The following CUBN variants were observed in gnomAD, a reference collection of about 807,000 sequenced individuals.
CUBN encodes cubilin.
CUBN carries 282 observed loss-of-function variants against 405.3 expected under a neutral mutation model. That is an observed-to-expected ratio of 0.70 (90% CI 0.63 to 0.77). The LOEUF is 0.77. Among genes scored for constraint, CUBN ranks in the 30% least tolerant of loss-of-function variants. The pLI, the probability that CUBN is intolerant of heterozygous loss-of-function variation, is 0.00. For missense variants in CUBN, 4,514 were observed against 4,475.2 expected (o/e 1.01, Z -0.25); for synonymous variants, 1,684 against 1,617.0 (o/e 1.04, Z -0.99).
intron 12 of CUBN, among the ~76,000 whole-genome samples, chr10:17,103,665 G>T (rs986660456): frequency 1.3e-4 from 20 of 152,164 alleles, no homozygotes; most frequent in African/African-American, 4.3e-4. Context: ...GTCTACTATT[G>T]TCCTAAACAT....
intron 28 of CUBN, among the ~76,000 whole-genome samples, chr10:17,013,778 GGGGAAGA>G (rs1366355766): frequency 1.3e-5 from 2 of 152,158 alleles, no homozygotes; most frequent in African/African-American, 4.8e-5. Context: ...CTGGTCCCTG[GGGGAAGA>G]GGCTTACTTC....
At chr10:17,069,730 G>A (rs1835695182) in intron 19 of CUBN, among the ~76,000 whole-genome samples, 2 of 152,054 alleles carry the variant, frequency 1.3e-5, no homozygotes, top group Admixed American at 1.3e-4. Context: ...TTTTTGTAGA[G>A]ATGGGGTCTC....
intron 29 of CUBN, 89 bp downstream of exon 29, chr10:16,990,245 T>C (rs1289064759): frequency 5.0e-6 from 6 of 1,193,794 alleles, no homozygotes; most frequent in Non-Finnish European, 7.5e-6. Context: ...CACTGCTGAC[T>C]ACTGGAAAGA....
intron 60 of CUBN, among the ~76,000 whole-genome samples, chr10:16,844,420 A>G (rs923200314): frequency 6.6e-6 from 1 of 152,228 alleles, no homozygotes; most frequent in Non-Finnish European, 1.5e-5. Flanking sequence ...CCAGGGTGAG[A>G]GAACAGGAGA....
intron 13 of CUBN, among the ~76,000 whole-genome samples, chr10:17,100,802 G>A (rs947104408): frequency 1.3e-5 from 2 of 152,150 alleles, no homozygotes; most frequent in Non-Finnish European, 2.9e-5. Flanking sequence ...AGGCCTGGAC[G>A]GCTTCAGGGA....
At chr10:16,848,965 G>C (rs1839599824) in intron 60 of CUBN, among the ~76,000 whole-genome samples, 1 of 151,956 alleles carries the variant, frequency 6.6e-6, no homozygotes, top group African/African-American at 2.4e-5. Flanking sequence ...CTGCCTCCCA[G>C]TGTGCTGGGA....
At chr10:17,050,762 T>G (rs2131826061) in intron 22 of CUBN, among the ~76,000 whole-genome samples, 1 of 152,240 alleles carries the variant, frequency 6.6e-6, no homozygotes, top group African/African-American at 2.4e-5. Context: ...TCTCTAGAAC[T>G]TCCGGGCCAA....
At chr10:16,947,403 A>G in intron 35 of CUBN, 36 bp from the exon 36 acceptor site, 1 of 1,612,046 alleles carries the variant, frequency 6.2e-7, no homozygotes, top group South Asian at 1.1e-5. Context: ...GTATCAGAGC[A>G]AAGACTGCAT....
intron 29 of CUBN, among the ~76,000 whole-genome samples, chr10:16,986,596 C>G (rs1275949359): frequency 6.6e-6 from 1 of 152,124 alleles, no homozygotes; most frequent in Non-Finnish European, 1.5e-5. Flanking sequence ...TTAGGAGGAG[C>G]TGATGTTTGT....
At chr10:16,853,298 A>C (rs1374956319) in intron 59 of CUBN, among the ~76,000 whole-genome samples, 1 of 152,238 alleles carries the variant, frequency 6.6e-6, no homozygotes, top group African/African-American at 2.4e-5. Flanking sequence ...TATTCTACAC[A>C]AATATAGGTC....
At chr10:17,087,140 T>C (rs893984925) in intron 15 of CUBN, among the ~76,000 whole-genome samples, 7 of 152,080 alleles carry the variant, frequency 4.6e-5, no homozygotes, top group Non-Finnish European at 8.8e-5. Context: ...GCATTGACTC[T>C]ATTCCTCTCT....
At chr10:17,051,752 A>C (rs1835273559) in intron 22 of CUBN, among the ~76,000 whole-genome samples, 1 of 151,950 alleles carries the variant, frequency 6.6e-6, no homozygotes, top group Non-Finnish European at 1.5e-5. Flanking sequence ...TAATCTAAAG[A>C]ACAAAGAAAA....
At chr10:16,913,185 G>A (rs1841781274) in intron 48 of CUBN, among the ~76,000 whole-genome samples, 1 of 152,190 alleles carries the variant, frequency 6.6e-6, no homozygotes, top group South Asian at 2.1e-4. Context: ...TGCAGAAGGG[G>A]CAAGTTGGGT....
At chr10:16,975,637 T>C (rs1833069691) in intron 31 of CUBN, among the ~76,000 whole-genome samples, 1 of 111,060 alleles carries the variant, frequency 9.0e-6, no homozygotes. Context: ...TTTTTTTTTT[T>C]TTTTTTTTTT....
intron 48 of CUBN, among the ~76,000 whole-genome samples, chr10:16,908,285 A>G (rs1290750318): frequency 1.3e-5 from 2 of 152,046 alleles, no homozygotes; most frequent in African/African-American, 4.8e-5. Context: ...AGCTGAGATT[A>G]TAGGCATGCA....
intron 63 of CUBN, 28 bp from the exon 64 acceptor site, chr10:16,835,223 G>A: frequency 6.4e-7 from 1 of 1,551,508 alleles, no homozygotes; most frequent in South Asian, 1.1e-5. Flanking sequence ...CATAATTAAT[G>A]TACGCATTCC....
chr10:16,921,294 A>G (rs1474483539), intron 43 of CUBN, among the ~76,000 whole-genome samples: 1 of 152,168 alleles, frequency 6.6e-6, no homozygotes, highest in Non-Finnish European at 1.5e-5. Context: ...CTAATTTATT[A>G]CTATCCTCAA....
At position 17,071,939 on chromosome 10, in the gene CUBN, G is replaced by C. The variant is rs1835749353; in HGVS notation, c.2334C>G (p.Val778=). ...VRDGETLLGK[V]CGNGTISHIK... is the part of the protein sequence containing the mutation. ...TGTGAGAGATGGTTCCGTTGCCACA[G>C]ACTTTTCCAAGTAAGGTTTCACCAT... is the stretch of plus-strand genomic sequence containing the variant. The change falls in exon 18 of 67, where the codon GTC becomes GTG. Residue 778 remains valine, a synonymous_variant. Transcript: ENST00000377833. The C allele has an allele frequency of 1.2e-6, 2 of 1,612,942 alleles. No homozygotes were observed. Among genetic ancestry groups the C allele is most frequent in the Non-Finnish European group, 1.7e-6 (2 of 1,179,526 alleles).
At chr10:16,998,600 T>C (rs1833798539) in intron 28 of CUBN, among the ~76,000 whole-genome samples, 1 of 152,262 alleles carries the variant, frequency 6.6e-6, no homozygotes, top group Non-Finnish European at 1.5e-5. Flanking sequence ...TGTATCCTCA[T>C]TCTTTCCCTG....
Sources: allele counts gnomAD v4.1 joint callset (sites outside exome capture counted in the v4.1 genomes callset), GRCh38; gene constraint gnomAD v4.1.1; transcripts MANE v1.5; gene names NCBI Gene and HGNC (gene_info 2026-07-23, HGNC 2026-07-21).